Variants in CACNA2D3 observed in about 807,000 individuals in gnomAD.
CACNA2D3 encodes voltage-dependent calcium channel subunit alpha-2/delta-3.
Under a neutral mutation model 160.6 loss-of-function variants are expected in CACNA2D3, and 60 were observed. That is an observed-to-expected ratio of 0.37 (90% CI 0.30 to 0.46). CACNA2D3 has a LOEUF of 0.46. Ranked by LOEUF, CACNA2D3 falls within the 20% of genes least tolerant of loss-of-function variation. The pLI is 1.00. For missense variants in CACNA2D3, 1,205 were observed against 1,365.0 expected (o/e 0.88, Z 1.85); for synonymous variants, 558 against 492.9 (o/e 1.13, Z -1.75).
chr3:54,566,020 A>G (rs919781562), intron 6 of CACNA2D3, among the ~76,000 whole-genome samples: 2 of 152,184 alleles, frequency 1.3e-5, no homozygotes, highest in African/African-American at 2.4e-5. Context: ...TGAATCACCC[A>G]TTAGATCAAA....
intron 2 of CACNA2D3, among the ~76,000 whole-genome samples, chr3:54,292,731 T>C (rs1703241362): frequency 6.6e-6 from 1 of 152,196 alleles, no homozygotes; most frequent in African/African-American, 2.4e-5. Flanking sequence ...TTGGTGTGAA[T>C]GTAAAATGGT....
At chr3:54,616,250 C>G (rs1296631279) in intron 9 of CACNA2D3, among the ~76,000 whole-genome samples, 1 of 152,140 alleles carries the variant, frequency 6.6e-6, no homozygotes, top group Admixed American at 6.5e-5. Context: ...GCTGGTCTTC[C>G]AAGGGCTGGC....
At chr3:54,172,432 C>A (rs1404851116) in intron 2 of CACNA2D3, among the ~76,000 whole-genome samples, 1 of 152,170 alleles carries the variant, frequency 6.6e-6, no homozygotes, top group Non-Finnish European at 1.5e-5. Context: ...CTCCCTCTCC[C>A]TTTGTTGTAC....
At chr3:54,394,344 C>CT (rs1699336727) in intron 4 of CACNA2D3, among the ~76,000 whole-genome samples, 2 of 133,632 alleles carry the variant, frequency 1.5e-5, no homozygotes, top group South Asian at 2.3e-4. Context: ...TTATTATACT[C>CT]TAAGTTTTAG....
intron 4 of CACNA2D3, among the ~76,000 whole-genome samples, chr3:54,448,324 T>C (rs1700254423): frequency 6.6e-6 from 1 of 152,212 alleles, no homozygotes. Context: ...AGGTGAGTAC[T>C]GGCTGCTGAG....
chr3:54,451,987 C>T (rs1170840923), intron 4 of CACNA2D3, among the ~76,000 whole-genome samples: 3 of 152,208 alleles, frequency 2.0e-5, no homozygotes, highest in African/African-American at 7.2e-5. Flanking sequence ...CAACTTTCCT[C>T]CAGTGTCCAA....
chr3:54,918,902 A>G, intron 27 of CACNA2D3: 1 of 1,516,082 alleles, frequency 6.6e-7, no homozygotes, highest in Non-Finnish European at 8.8e-7. Flanking sequence ...CCTTTAAAAA[A>G]CAAAAGCAAA....
intron 25 of CACNA2D3, among the ~76,000 whole-genome samples, chr3:54,893,615 G>A (rs80020930): frequency 0.13 from 19,215 of 152,044 alleles, 1,279 homozygotes; most frequent in Non-Finnish European, 0.14. Context: ...GGCATGAAAG[G>A]CAGAGCTTTA....
chr3:54,283,470 G>T (rs1023153211), intron 2 of CACNA2D3, among the ~76,000 whole-genome samples: 1 of 152,204 alleles, frequency 6.6e-6, no homozygotes, highest in African/African-American at 2.4e-5. Flanking sequence ...TATTTAATGG[G>T]CAAATGTTTT....
chr3:54,303,806 G>T (rs555998163), intron 2 of CACNA2D3, among the ~76,000 whole-genome samples: 12 of 126,470 alleles, frequency 9.5e-5, no homozygotes, highest in African/African-American at 3.5e-4. Context: ...CCTCATCAGT[G>T]ACTTTTTTTC....
chr3:54,878,021 A>C (rs1699703999), intron 18 of CACNA2D3, among the ~76,000 whole-genome samples: 1 of 152,214 alleles, frequency 6.6e-6, no homozygotes, highest in African/African-American at 2.4e-5. Flanking sequence ...TATATGTTTT[A>C]TTTTATACAT....
At chr3:54,727,345 G>T (rs1286430402) in intron 11 of CACNA2D3, among the ~76,000 whole-genome samples, 1 of 152,216 alleles carries the variant, frequency 6.6e-6, no homozygotes, top group Non-Finnish European at 1.5e-5. Context: ...GGAAGACAGT[G>T]TGGCAATTCC....
chr3:54,343,404 A>T (rs1476425751), intron 3 of CACNA2D3, among the ~76,000 whole-genome samples: 1 of 152,048 alleles, frequency 6.6e-6, no homozygotes, highest in African/African-American at 2.4e-5. Flanking sequence ...GGATCCTCTC[A>T]CCACAGCCTC....
At chr3:54,302,477 G>A (rs1426215425) in intron 2 of CACNA2D3, among the ~76,000 whole-genome samples, 1 of 152,174 alleles carries the variant, frequency 6.6e-6, no homozygotes, top group Admixed American at 6.5e-5. Context: ...AAGGTCCCAA[G>A]TATAAGATGG....
intron 2 of CACNA2D3, among the ~76,000 whole-genome samples, chr3:54,155,825 A>G (rs1334465302): frequency 6.6e-6 from 1 of 152,186 alleles, no homozygotes; most frequent in Non-Finnish European, 1.5e-5. Context: ...GAGCAGGGCA[A>G]CTTCCCAGAA....
At position 54,419,000 on chromosome 3, in the gene CACNA2D3, C is replaced by G. The variant is rs116295989; in HGVS notation, c.381+32226C>G. On this transcript the variant is annotated intron_variant, in intron 4 of 37. Coordinates refer to ENST00000474759, the MANE Select transcript of CACNA2D3 (RefSeq NM_018398.3). Reference sequence around the variant, plus strand: ...AGAGCTTAAGCACACATCTGGCACTCAGTAACTATTTGAAGGACTGAATGA... The same window carrying G: ...AGAGCTTAAGCACACATCTGGCACTGAGTAACTATTTGAAGGACTGAATGA... Among the ~76,000 whole-genome samples the G allele has an allele frequency of 5.4e-3, 827 of 152,294 alleles. 9 individuals are homozygous for G. The highest frequency in any genetic ancestry group is 0.018 in the African/African-American group (731 of 41,572).
intron 2 of CACNA2D3, among the ~76,000 whole-genome samples, chr3:54,132,055 A>G (rs1233550442): frequency 6.6e-6 from 1 of 152,236 alleles, no homozygotes; most frequent in Non-Finnish European, 1.5e-5. Flanking sequence ...CATAACATCC[A>G]GCTTTACGCT....
chr3:54,597,420 C>T (rs2106766511), intron 9 of CACNA2D3, among the ~76,000 whole-genome samples: 1 of 152,290 alleles, frequency 6.6e-6, no homozygotes, highest in South Asian at 2.1e-4. Flanking sequence ...TGACCTCTCT[C>T]TCCCACCTTC....
At chr3:55,002,421 G>A (rs564375565) in intron 31 of CACNA2D3, among the ~76,000 whole-genome samples, 1 of 152,214 alleles carries the variant, frequency 6.6e-6, no homozygotes, top group African/African-American at 2.4e-5. Context: ...AGTGAGGATG[G>A]AGATGGTGGC....
Sources: allele counts gnomAD v4.1 joint callset (sites outside exome capture counted in the v4.1 genomes callset), GRCh38; gene constraint gnomAD v4.1.1; transcripts MANE v1.5; gene names NCBI Gene and HGNC (gene_info 2026-07-23, HGNC 2026-07-21).